ABL2: variants seen among roughly 807,000 people sequenced by gnomAD.
The protein encoded by ABL2 is ABL proto-oncogene 2, non-receptor tyrosine kinase.
Under a neutral mutation model 107.7 loss-of-function variants are expected in ABL2, and 49 were observed. The observed-to-expected ratio is 0.45, with a 90% confidence interval of 0.36 to 0.58. The LOEUF (loss-of-function observed/expected upper bound fraction) is 0.58, where lower values mean the gene tolerates loss of function less well. Ranked by LOEUF, ABL2 falls within the 20% of genes least tolerant of loss-of-function variation. ABL2 has a pLI of 0.00. For missense variants in ABL2, 1,245 were observed against 1,457.0 expected (o/e 0.85, Z 2.37); for synonymous variants, 549 against 548.6 (o/e 1.00, Z -0.01).
chr1:179,127,034 C>A (rs988049038), intron 3 of ABL2, among the ~76,000 whole-genome samples: 6 of 152,182 alleles, frequency 3.9e-5, no homozygotes, highest in Non-Finnish European at 8.8e-5. Flanking sequence ...AGAAAATTCA[C>A]TTTCCCTCAA....
chr1:179,212,012 G>C (rs1662303782), intron 1 of ABL2, among the ~76,000 whole-genome samples: 1 of 152,148 alleles, frequency 6.6e-6, no homozygotes, highest in Admixed American at 6.5e-5. Flanking sequence ...AAAGGAAAGA[G>C]GTTTAACTGA....
rs1376345646 is a variant in ABL2, at chr1:179,229,643, GCCGCCGCCGCCA to G, written c.-258_-247del. The G allele has an allele frequency of 7.2e-5, 36 of 496,578 alleles. No individual in the cohort carries two copies. The highest frequency in any genetic ancestry group is 2.1e-4 in the South Asian group (7 of 34,060). 30.8% of individuals were successfully genotyped at this position (496,578 alleles called of 1,614,324 possible). ...GCTCCGCGCCCCCAACGCCGCCGCC[GCCGCCGCCGCCA>G]CCGCCGCCGCCATCTTTAAACCACC... On this transcript the variant is annotated 5_prime_UTR_variant, in exon 1 of 12. Coordinates refer to ENST00000502732, the MANE Select transcript of ABL2 (RefSeq NM_007314.4).
intron 3 of ABL2, among the ~76,000 whole-genome samples, chr1:179,127,476 A>G (rs1035025516): frequency 2.0e-5 from 3 of 152,210 alleles, no homozygotes; most frequent in African/African-American, 7.2e-5. Context: ...GTCAACTTCA[A>G]TGTTCTTAAT....
intron 9 of ABL2, among the ~76,000 whole-genome samples, chr1:179,114,074 C>G (rs1321382014): frequency 1.3e-5 from 2 of 151,588 alleles, no homozygotes; most frequent in Non-Finnish European, 2.9e-5. Flanking sequence ...GGCCAACATG[C>G]CAAAACCCCA....
At chr1:179,156,550 T>G (rs1658700298) in intron 1 of ABL2, among the ~76,000 whole-genome samples, 1 of 152,174 alleles carries the variant, frequency 6.6e-6, no homozygotes, top group Admixed American at 6.6e-5. Context: ...ACAAAAGCAC[T>G]GGAAATTTTT....
chr1:179,114,499 T>C (rs1246678680), intron 9 of ABL2, among the ~76,000 whole-genome samples: 1 of 147,852 alleles, frequency 6.8e-6, no homozygotes, highest in African/African-American at 2.6e-5. Flanking sequence ...TACTTTTTCA[T>C]CTGCAAGCAA....
At chr1:179,185,726 A>C (rs1660650414) in intron 1 of ABL2, among the ~76,000 whole-genome samples, 1 of 152,214 alleles carries the variant, frequency 6.6e-6, no homozygotes, top group Non-Finnish European at 1.5e-5. Flanking sequence ...AGCTGTACAT[A>C]AAGATTATAG....
intron 9 of ABL2, 21 bp from the exon 10 acceptor site, chr1:179,112,419 T>C: frequency 6.3e-7 from 1 of 1,590,928 alleles, no homozygotes; most frequent in African/African-American, 1.3e-5. Flanking sequence ...GAAGAAAAAA[T>C]ATTAAAAACT....
intron 1 of ABL2, among the ~76,000 whole-genome samples, chr1:179,141,115 C>CA (rs34158477): frequency 0.2 from 12,313 of 62,490 alleles, 773 homozygotes; most frequent in African/African-American, 0.26. Context: ...GACTCTGTCT[C>CA]AAAAAAAAAA....
At chr1:179,180,952 G>A (rs1322312609) in intron 1 of ABL2, among the ~76,000 whole-genome samples, 2 of 152,110 alleles carry the variant, frequency 1.3e-5, no homozygotes, top group African/African-American at 2.4e-5. Flanking sequence ...TTCATTGGGG[G>A]AAAGAAGAGA....
chr1:179,109,340 AT>A lies in ABL2; in HGVS notation c.1926del (p.Cys643AlafsTer15). The A allele has an allele frequency of 6.2e-7, 1 of 1,614,064 alleles. No individual in the cohort carries two copies. The highest frequency in any genetic ancestry group is 8.5e-7 in the Non-Finnish European group (1 of 1,180,008). On this transcript the variant is annotated frameshift_variant, in exon 12 of 12. Transcript: ENST00000502732. LOFTEE classifies it high-confidence loss of function. ...PSSLLEDAKETCFTRDRKGGF... is the reference protein window; with the variant it reads ...PSSLLEDAKEXCFTRDRKGGF... ...CCCCCCTTCCTATCCCTGGTGAAGC[AT>A]GTCTCTTTGGCATCTTCCAAGAGGC... is the stretch of plus-strand genomic sequence containing the variant.
intron 1 of ABL2, among the ~76,000 whole-genome samples, chr1:179,156,202 C>T (rs1341172614): frequency 6.6e-6 from 1 of 152,200 alleles, no homozygotes; most frequent in East Asian, 1.9e-4. Context: ...TATGTATATA[C>T]ACTCCCTACA....
chr1:179,122,063 A>C (rs1250054932), intron 4 of ABL2, among the ~76,000 whole-genome samples, 196 bp from the exon 5 acceptor site: 1 of 150,518 alleles, frequency 6.6e-6, no homozygotes, highest in Non-Finnish European at 1.5e-5. Flanking sequence ...AGTAGGTGGG[A>C]CTATAGGCGC....
chr1:179,213,701 G>A (rs1385449197), intron 1 of ABL2, among the ~76,000 whole-genome samples: 1 of 152,200 alleles, frequency 6.6e-6, no homozygotes, highest in Non-Finnish European at 1.5e-5. Context: ...GGAAATGGAT[G>A]GGTGCTGCTA....
chr1:179,118,765 C>T lies in ABL2; in HGVS notation c.1046-1G>A. ...AATGGTGGCTCCAAAGTACACACAC[C>T]TAAAAGTTGAACAATAGTGCTTGTT... On this transcript the variant is annotated splice_acceptor_variant, in intron 6 of 11. Coordinates refer to ENST00000502732, the MANE Select transcript of ABL2 (RefSeq NM_007314.4). LOFTEE classifies it high-confidence loss of function. 1 of 1,613,334 alleles carries T rather than the reference C, an allele frequency of 6.2e-7. No individual in the cohort carries two copies. The highest frequency in any genetic ancestry group is 8.5e-7 in the Non-Finnish European group (1 of 1,179,624).
intron 1 of ABL2, among the ~76,000 whole-genome samples, chr1:179,223,434 AAGT>A: frequency 6.6e-6 from 1 of 150,558 alleles, no homozygotes; most frequent in Admixed American, 6.6e-5. Context: ...AAAACCACCT[AAGT>A]AAATAAATAA....
At chr1:179,202,027 C>T (rs1661701452) in intron 1 of ABL2, 3 of 542,650 alleles carry the variant, frequency 5.5e-6, no homozygotes, top group African/African-American at 2.1e-5. Context: ...GACATCTTGT[C>T]ATTTTTTTTT....
At position 179,105,489 on chromosome 1, in the gene ABL2, T is replaced by C. The variant is rs1332431788; in HGVS notation, c.*2229A>G. 8.7e-6 allele frequency: 2 copies of C among 229,726 alleles called. No individual in the cohort carries two copies. Among genetic ancestry groups the C allele is most frequent in the Admixed American group, 5.7e-5 (1 of 17,668 alleles). 14.2% of individuals were successfully genotyped at this position (229,726 alleles called of 1,614,324 possible). ...AGTTCTTCAAGTTTACGGACATGTA[T>C]GATGAGCAAGAATGGCAGGAAAGAA... On this transcript the variant is annotated 3_prime_UTR_variant, in exon 12 of 12. Transcript: ENST00000502732.
At chr1:179,136,312 T>G (rs1045839167) in intron 1 of ABL2, among the ~76,000 whole-genome samples, 6 of 151,742 alleles carry the variant, frequency 4.0e-5, no homozygotes, top group Non-Finnish European at 8.8e-5. Flanking sequence ...ATGGTTGCCG[T>G]GTCTGTGTAG....
Sources: allele counts gnomAD v4.1 joint callset (sites outside exome capture counted in the v4.1 genomes callset), GRCh38; gene constraint gnomAD v4.1.1; transcripts MANE v1.5; gene names NCBI Gene and HGNC (gene_info 2026-07-23, HGNC 2026-07-21).